The following MYEF2 variants were observed in gnomAD, a reference collection of about 807,000 sequenced individuals.
The protein encoded by MYEF2 is myelin gene expression factor 2.
In MYEF2, 37 loss-of-function variants were observed where a neutral mutation model predicts 75.2. The observed-to-expected ratio is 0.49, with a 90% CI of 0.38 to 0.65. The LOEUF (loss-of-function observed/expected upper bound fraction) is 0.65. Ranked by LOEUF, MYEF2 falls within the 30% of genes least tolerant of loss-of-function variation. The pLI is 0.00. For synonymous variants in MYEF2, 195 were observed against 241.6 expected (o/e 0.81, Z 1.79); for missense variants, 634 against 771.4 (o/e 0.82, Z 2.11).
At position 48,139,951 on chromosome 15, in the gene MYEF2, C is replaced by A. The variant is rs2039011781; in HGVS notation, c.*2957G>T. ...CATTGGCAAAGCTGAATAACTGCAACAGAAATCACACAGCCTGCAAAGCCT... is the reference window on the plus strand; with the variant it reads ...CATTGGCAAAGCTGAATAACTGCAAAAGAAATCACACAGCCTGCAAAGCCT... On this transcript the variant is annotated 3_prime_UTR_variant, in exon 17 of 17. Transcript: ENST00000324324. 1 of 152,072 alleles carries A rather than the reference C, an allele frequency of 6.6e-6. No individual in the cohort carries two copies. Among genetic ancestry groups the A allele is most frequent in the African/African-American group, 2.4e-5 (1 of 41,428 alleles). 9.4% of individuals were successfully genotyped at this position (152,072 alleles called of 1,614,324 possible). A position where few individuals can be genotyped will look rare whatever the true frequency, so the allele number is the denominator to read the frequency against.
chr15:48,134,742 C>G lies in MYEF2; in HGVS notation c.*8166G>C, dbSNP rs897817691. 1.3e-6 allele frequency: 1 copy of G among 776,054 alleles called. No individual in the cohort carries two copies. Among genetic ancestry groups the G allele is most frequent in the Non-Finnish European group, 2.0e-6 (1 of 494,290 alleles). 48.1% of individuals were successfully genotyped at this position (776,054 alleles called of 1,614,324 possible). Reference sequence around the variant, plus strand: ...ATGAAAGTCTGTGTAAGTTAGAACACAATTTTACATTTTTTTCTCTAAGCA... The same window carrying G: ...ATGAAAGTCTGTGTAAGTTAGAACAGAATTTTACATTTTTTTCTCTAAGCA... On this transcript the variant is annotated 3_prime_UTR_variant, in exon 17 of 17. Coordinates refer to ENST00000324324, the MANE Select transcript of MYEF2 (RefSeq NM_016132.5).
intron 16 of MYEF2, among the ~76,000 whole-genome samples, chr15:48,146,764 G>A (rs988183379): frequency 6.6e-6 from 1 of 151,896 alleles, no homozygotes; most frequent in South Asian, 2.1e-4. Context: ...GGCCATTACT[G>A]GCTTGCAGCA....
rs2038976835 is a variant in MYEF2, at chr15:48,139,109, T to G, written c.*3799A>C. 1 of 1,612,900 alleles carries G rather than the reference T, an allele frequency of 6.2e-7. No homozygotes were observed. The highest frequency in any genetic ancestry group is 8.5e-7 in the Non-Finnish European group (1 of 1,179,132). On this transcript the variant is annotated 3_prime_UTR_variant, in exon 17 of 17. Transcript: ENST00000324324. Reference sequence around the variant, plus strand: ...TTGGAAAAACTACTTTGTGATAACCTTTTTCATGTCTGCAATATGGATATC... The same window carrying G: ...TTGGAAAAACTACTTTGTGATAACCGTTTTCATGTCTGCAATATGGATATC...
chr15:48,152,565 A>T, intron 10 of MYEF2: 1 of 346,286 alleles, frequency 2.9e-6, no homozygotes, highest in Middle Eastern at 7.8e-4. Context: ...CTAGGTAATC[A>T]TTCACTTTTT....
chr15:48,141,988 T>C lies in MYEF2; in HGVS notation c.*920A>G. The C allele has an allele frequency of 2.1e-6, 3 of 1,406,768 alleles. No homozygotes were observed. The highest frequency in any genetic ancestry group is 2.9e-6 in the Non-Finnish European group (3 of 1,023,934). The allele number at this position is 1,406,768 out of a possible 1,614,324, so 87.1% of individuals were successfully genotyped here. On this transcript the variant is annotated 3_prime_UTR_variant, in exon 17 of 17. Transcript: ENST00000324324. Reference sequence around the variant, plus strand: ...TATGAAGATTATTAATAAAACACAGTATTGGTAAGCACATTTTAACAGTAT... The same window carrying C: ...TATGAAGATTATTAATAAAACACAGCATTGGTAAGCACATTTTAACAGTAT...
Position 48,178,210 on chromosome 15 carries a change from G to A in MYEF2, c.28C>T (p.Pro10Ser), listed in dbSNP as rs1196538774. The A allele has an allele frequency of 3.1e-5, 46 of 1,483,144 alleles. No individual in the cohort carries two copies. Among genetic ancestry groups the A allele is most frequent in the Middle Eastern group, 4.8e-4 (2 of 4,176 alleles). The allele number at this position is 1,483,144 out of a possible 1,614,324, so 91.9% of individuals were successfully genotyped here. A position where few individuals can be genotyped will look rare whatever the true frequency, so the allele number is the denominator to read the frequency against. Residue 10 changes from proline to serine, a missense_variant, in exon 1 of 17, where the codon CCC becomes TCC. Physicochemically the swap from Pro to Ser is moderately conservative, Grantham distance 74. Coordinates refer to ENST00000324324, the MANE Select transcript of MYEF2 (RefSeq NM_016132.5). ...GGGCTGTCGCCACCAGTGGCCCCGGGCACCTCGGCCTTGTTGGCGTCCGCC... is the reference window on the plus strand; with the variant it reads ...GGGCTGTCGCCACCAGTGGCCCCGGACACCTCGGCCTTGTTGGCGTCCGCC... Reference protein sequence around the residue: MADANKAEVPGATGGDSPHL... With the variant: MADANKAEVSGATGGDSPHL...
At position 48,136,710 on chromosome 15, in the gene MYEF2, A is replaced by T; in HGVS notation, c.*6198T>A. The stretch of plus-strand genomic sequence containing the variant: ...ATGAAGGGGCTTTACTGCTTTTGAT[A>T]TATGGATTGTATGTTTTGGTGCTGT... On this transcript the variant is annotated 3_prime_UTR_variant, in exon 17 of 17. Coordinates refer to ENST00000324324, the MANE Select transcript of MYEF2 (RefSeq NM_016132.5). 6.2e-7 allele frequency: 1 copy of T among 1,612,304 alleles called. No homozygotes were observed. Among genetic ancestry groups the T allele is most frequent in the Non-Finnish European group, 8.5e-7 (1 of 1,179,084 alleles).
chr15:48,149,485 A>G lies in MYEF2; in HGVS notation c.1379-114T>C. 1 of 683,168 alleles carries G rather than the reference A, an allele frequency of 1.5e-6. No homozygotes were observed. The highest frequency in any genetic ancestry group is 2.4e-6 in the Non-Finnish European group (1 of 418,890). 42.3% of individuals were successfully genotyped at this position (683,168 alleles called of 1,614,324 possible). A position where few individuals can be genotyped will look rare whatever the true frequency, so the allele number is the denominator to read the frequency against. On this transcript the variant is annotated intron_variant, in intron 14 of 16. Transcript: ENST00000324324. The surrounding 1 kb of genome is among the most constrained non-coding windows in gnomAD (Gnocchi z 4.0). ...AAAAGGAGATAAACATTTTTGAGAA[A>G]GAAGGGGGAAATTAATTTGTTTATA...
intron 9 of MYEF2, 93 bp from the exon 10 acceptor site, chr15:48,153,986 G>T (rs2039591293): frequency 1.1e-6 from 1 of 943,256 alleles, no homozygotes; most frequent in Non-Finnish European, 1.5e-6. Flanking sequence ...ACCTGTAGTA[G>T]TATCTGTAAA....
In MYEF2 at chr15:48,142,832, T is replaced by C; in HGVS notation, c.*76A>G. The C allele has an allele frequency of 7.2e-7, 1 of 1,389,716 alleles. No homozygotes were observed. Among genetic ancestry groups the C allele is most frequent in the Non-Finnish European group, 9.8e-7 (1 of 1,023,820 alleles). 86.1% of individuals were successfully genotyped at this position (1,389,716 alleles called of 1,614,324 possible). ...TTTTACAGCTTTTGTAAGCATACAA[T>C]ATTACTTTAAAAAAATGACTTTTAC... On this transcript the variant is annotated 3_prime_UTR_variant, in exon 17 of 17. Coordinates refer to ENST00000324324, the MANE Select transcript of MYEF2 (RefSeq NM_016132.5).
chr15:48,159,725 C>A lies in MYEF2; in HGVS notation c.605G>T (p.Gly202Val). 1 of 1,613,400 alleles carries A rather than the reference C, an allele frequency of 6.2e-7. No homozygotes were observed. The highest frequency in any genetic ancestry group is 8.5e-7 in the Non-Finnish European group (1 of 1,179,508). ...SFPGGHVPDM[G>V]SGLMNLPPSI... ...AGGTGGTAAATTCATCAACCCTGAT[C>A]CCATATCAGGGACGTGTCCTCCTGG... The change falls in exon 6 of 17, where the codon GGA (glycine) becomes GTA (valine). Residue 202 changes from glycine to valine, a missense_variant. By Grantham distance (109) the Gly-to-Val change is moderately radical. Coordinates refer to ENST00000324324, the MANE Select transcript of MYEF2 (RefSeq NM_016132.5).
rs1433527114 is a variant in MYEF2, at chr15:48,138,571, C to T, written c.*4337G>A. 1 of 161,826 alleles carries T rather than the reference C, an allele frequency of 6.2e-6. No individual in the cohort carries two copies. Among genetic ancestry groups the T allele is most frequent in the Non-Finnish European group, 1.4e-5 (1 of 73,688 alleles). 10.0% of individuals were successfully genotyped at this position (161,826 alleles called of 1,614,324 possible). A position where few individuals can be genotyped will look rare whatever the true frequency, so the allele number is the denominator to read the frequency against. ...ATCTGGTACATAGGGCAGGCAGAGGCATCATCAATATTATGAAGTGGAGAC... is the reference window on the plus strand; with the variant it reads ...ATCTGGTACATAGGGCAGGCAGAGGTATCATCAATATTATGAAGTGGAGAC... On this transcript the variant is annotated 3_prime_UTR_variant, in exon 17 of 17. Transcript: ENST00000324324.
chr15:48,142,341 G>C lies in MYEF2; in HGVS notation c.*567C>G. The C allele has an allele frequency of 6.3e-7, 1 of 1,593,972 alleles. No homozygotes were observed. The highest frequency in any genetic ancestry group is 2.2e-5 in the East Asian group (1 of 44,674). On this transcript the variant is annotated 3_prime_UTR_variant, in exon 17 of 17. Coordinates refer to ENST00000324324, the MANE Select transcript of MYEF2 (RefSeq NM_016132.5). ...ATTGGAAATAATAAAATAAGGGGCTGTGGAGGTTGATATTATTAATAGTGT... is the reference window on the plus strand; with the variant it reads ...ATTGGAAATAATAAAATAAGGGGCTCTGGAGGTTGATATTATTAATAGTGT...
intron 16 of MYEF2, among the ~76,000 whole-genome samples, chr15:48,147,743 C>G (rs1195321673): frequency 6.6e-6 from 1 of 151,922 alleles, no homozygotes; most frequent in African/African-American, 2.4e-5. Flanking sequence ...GAAAGAGAGT[C>G]AACAGAACAT....
At chr15:48,168,563 G>A (rs1207939413) in intron 2 of MYEF2, 68 bp downstream of exon 2, 4 of 1,259,646 alleles carry the variant, frequency 3.2e-6, no homozygotes, top group Non-Finnish European at 4.5e-6. Flanking sequence ...GAATAAAAAT[G>A]TTTGTGTAGT....
intron 16 of MYEF2, among the ~76,000 whole-genome samples, chr15:48,146,332 T>C (rs2039282779): frequency 6.6e-6 from 1 of 151,886 alleles, no homozygotes; most frequent in Admixed American, 6.6e-5. Context: ...TAGATCTCTT[T>C]TGCTACAGGA....
chr15:48,165,803 A>G (rs1024900547), intron 5 of MYEF2, 130 bp downstream of exon 5: 1 of 608,994 alleles, frequency 1.6e-6, no homozygotes, highest in South Asian at 2.6e-5. Context: ...TCGTCAATAT[A>G]TAATGCTTTA....
chr15:48,171,051 A>T (rs1279377858), intron 1 of MYEF2, among the ~76,000 whole-genome samples: 1 of 152,184 alleles, frequency 6.6e-6, no homozygotes, highest in African/African-American at 2.4e-5. Context: ...CAACTGTCTA[A>T]ATCTAGAAAG....
At chr15:48,148,702 A>T (rs75407202) in intron 16 of MYEF2, among the ~76,000 whole-genome samples, 1 of 152,036 alleles carries the variant, frequency 6.6e-6, no homozygotes, top group Non-Finnish European at 1.5e-5. Flanking sequence ...TGAGAAAAAA[A>T]GTTTAATGCA....
Sources: gnomAD v4.1 joint callset for allele counts (sites outside exome capture counted in the v4.1 genomes callset) on GRCh38, gnomAD v4.1.1 for gene constraint, Gnocchi (gnomAD v3.1) non-coding constraint, MANE v1.5 for transcripts, NCBI Gene and HGNC (gene_info 2026-07-23, HGNC 2026-07-21) for gene names.